The following TP53BP2 variants were observed in gnomAD, a reference collection of about 807,000 sequenced individuals.
The protein encoded by TP53BP2 is tumor protein p53 binding protein 2.
Under a neutral mutation model 126.2 loss-of-function variants are expected in TP53BP2, and 62 were observed. The observed-to-expected ratio is 0.49, with a 90% CI of 0.40 to 0.61. TP53BP2 has a LOEUF of 0.61. Ranked by LOEUF, TP53BP2 falls within the 20% of genes least tolerant of loss-of-function variation. The pLI is 0.00. For missense variants in TP53BP2, 1,215 were observed against 1,402.8 expected (o/e 0.87, Z 2.14); for synonymous variants, 485 against 502.9 (o/e 0.96, Z 0.48).
intron 6 of TP53BP2, 99 bp from the exon 7 acceptor site, chr1:223,803,551 G>A: frequency 8.3e-7 from 1 of 1,202,650 alleles, no homozygotes; most frequent in Non-Finnish European, 1.1e-6. Context: ...CTAATAAACA[G>A]TAGAAAAATT....
At chr1:223,795,734 GAGA>G (rs1369753940) in intron 13 of TP53BP2, 78 bp downstream of exon 13, 1 of 1,300,422 alleles carries the variant, frequency 7.7e-7, no homozygotes, top group Non-Finnish European at 1.0e-6. Flanking sequence ...ATGCAAACTG[GAGA>G]AGATGAATGT....
At chr1:223,789,928 A>G (rs574938350) in intron 15 of TP53BP2, among the ~76,000 whole-genome samples, 2 of 152,162 alleles carry the variant, frequency 1.3e-5, no homozygotes, top group South Asian at 2.1e-4. Context: ...TCTAAAGTAC[A>G]TAAGATTTAG....
intron 3 of TP53BP2, among the ~76,000 whole-genome samples, chr1:223,813,346 C>T (rs184159151): frequency 3.9e-5 from 6 of 152,268 alleles, no homozygotes; most frequent in South Asian, 2.1e-4. Context: ...CCTCTACCTC[C>T]GAAATTTTCA....
At chr1:223,818,425 ACC>A (rs1663169556) in intron 2 of TP53BP2, 1 of 150,514 alleles carries the variant, frequency 6.6e-6, no homozygotes, top group Non-Finnish European at 1.5e-5. Flanking sequence ...AATCACTTGA[ACC>A]CAGGAGGCGG....
chr1:223,816,928 G>A (rs1033828330), intron 2 of TP53BP2, among the ~76,000 whole-genome samples: 1 of 151,212 alleles, frequency 6.6e-6, no homozygotes, highest in Non-Finnish European at 1.5e-5. Context: ...GGAAGGCTGA[G>A]GCTGGAGGAT....
At chr1:223,800,999 G>A (rs1222158) in intron 9 of TP53BP2, among the ~76,000 whole-genome samples, 189 bp from the exon 10 acceptor site, 49,819 of 152,056 alleles carry the variant, frequency 0.33, 12,489 homozygotes, top group African/African-American at 0.71. Flanking sequence ...ACTTTACTCA[G>A]GCAATTTAAA....
At position 223,796,037 on chromosome 1, in the gene TP53BP2, T is replaced by C; in HGVS notation, c.2502A>G (p.Pro834=). 2.5e-6 allele frequency: 4 copies of C among 1,614,106 alleles called. No individual in the cohort carries two copies. Among genetic ancestry groups the C allele is most frequent in the Non-Finnish European group, 3.4e-6 (4 of 1,179,972 alleles). The part of the protein sequence containing the change: ...TENSDMPAPS[P]GLDYEPEGVP... ...CTCCCTCAGGCTCATAATCAAGGCC[T>C]GGAGAAGGAGCTGGCATGTCACTGT... Residue 834 remains proline, a synonymous_variant, in exon 13 of 18, where the codon CCA becomes CCG. Coordinates refer to ENST00000343537, the MANE Select transcript of TP53BP2 (RefSeq NM_001031685.3). This position sits in a 1 kb window ranked among gnomAD's most constrained non-coding sequence, Gnocchi z 4.2.
intron 2 of TP53BP2, among the ~76,000 whole-genome samples, chr1:223,819,923 C>A (rs2102871987): frequency 6.6e-6 from 1 of 152,306 alleles, no homozygotes; most frequent in African/African-American, 2.4e-5. Context: ...AGTTTACATT[C>A]TAGTGCATAT....
At chr1:223,810,804 T>C (rs1662885689) in intron 3 of TP53BP2, among the ~76,000 whole-genome samples, 1 of 152,198 alleles carries the variant, frequency 6.6e-6, no homozygotes, top group Non-Finnish European at 1.5e-5. Context: ...ACAAACGTAA[T>C]GTACTTCTGA....
intron 1 of TP53BP2, 23 bp from the exon 2 acceptor site, chr1:223,821,390 A>G (rs752451011): frequency 6.8e-6 from 11 of 1,613,572 alleles, no homozygotes; most frequent in Non-Finnish European, 9.3e-6. Context: ...AGAGAAACAC[A>G]TGGTTACTGG....
chr1:223,845,221 A>G, intron 1 of TP53BP2: 1 of 984,894 alleles, frequency 1.0e-6, no homozygotes, highest in African/African-American at 1.7e-5. Flanking sequence ...TCAATTAAAA[A>G]CAAAGCAAAG....
chr1:223,812,434 T>G (rs1662942259), intron 3 of TP53BP2, among the ~76,000 whole-genome samples: 1 of 152,072 alleles, frequency 6.6e-6, no homozygotes, highest in South Asian at 2.1e-4. Flanking sequence ...CAGGCTGGAG[T>G]GCAAATGGTG....
At chr1:223,840,105 A>G (rs540727884) in intron 1 of TP53BP2, among the ~76,000 whole-genome samples, 17 of 152,322 alleles carry the variant, frequency 1.1e-4, no homozygotes, top group African/African-American at 3.6e-4. Flanking sequence ...CCCATTATCT[A>G]CTGATGTTTA....
At chr1:223,835,557 A>G (rs1663894484) in intron 1 of TP53BP2, among the ~76,000 whole-genome samples, 1 of 152,208 alleles carries the variant, frequency 6.6e-6, no homozygotes, top group African/African-American at 2.4e-5. Context: ...ACTAAGCACT[A>G]CATTTTTAAG....
rs1302871663 is a variant in TP53BP2 at position 223,780,673 on chromosome 1, G to A, written c.*180C>T. 8 of 642,458 alleles carry A rather than the reference G, an allele frequency of 1.2e-5. No individual in the cohort carries two copies. Among genetic ancestry groups the A allele is most frequent in the African/African-American group, 7.4e-5 (4 of 54,354 alleles). The allele number at this position is 642,458 out of a possible 1,614,324, so 39.8% of individuals were successfully genotyped here. On this transcript the variant is annotated 3_prime_UTR_variant, in exon 18 of 18. Transcript: ENST00000343537. ...TGACGTAGATGCTTTATTTCATCAC[G>A]CTAAATGTCCTCTAATGGTGAATTC...
chr1:223,836,577 G>C (rs1317864544), intron 1 of TP53BP2, among the ~76,000 whole-genome samples: 1 of 152,184 alleles, frequency 6.6e-6, no homozygotes, highest in Non-Finnish European at 1.5e-5. Context: ...ATGCTGTAAG[G>C]AACAGAGGTC....
intron 15 of TP53BP2, among the ~76,000 whole-genome samples, chr1:223,791,678 T>TA (rs1485432574): frequency 6.6e-6 from 1 of 152,180 alleles, no homozygotes; most frequent in Non-Finnish European, 1.5e-5. Flanking sequence ...AATACTGGAG[T>TA]AAATATAGTG....
intron 16 of TP53BP2, among the ~76,000 whole-genome samples, chr1:223,785,827 C>T (rs1171816075): frequency 6.6e-6 from 1 of 152,170 alleles, no homozygotes; most frequent in Admixed American, 6.5e-5. Flanking sequence ...GAAATGCAAA[C>T]GAAAGCTACG....
chr1:223,788,944 T>C, intron 16 of TP53BP2, 64 bp downstream of exon 16: 1 of 1,529,806 alleles, frequency 6.5e-7, no homozygotes, highest in South Asian at 1.2e-5. Flanking sequence ...TATTGAATTA[T>C]ACCCTGGAGA....
Sources: allele counts gnomAD v4.1 joint callset (sites outside exome capture counted in the v4.1 genomes callset), GRCh38; gene constraint gnomAD v4.1.1; non-coding constraint Gnocchi (gnomAD v3.1); transcripts MANE v1.5; gene names NCBI Gene and HGNC (gene_info 2026-07-23, HGNC 2026-07-21).